RGS5: variants seen among roughly 807,000 people sequenced by gnomAD.
RGS5 encodes regulator of G-protein signalling 5.
RGS5 carries 20 observed loss-of-function variants against 18.9 expected under a neutral mutation model. The observed-to-expected ratio is 1.06, with a 90% confidence interval of 0.74 to 1.54. The LOEUF (loss-of-function observed/expected upper bound fraction) is 1.54, where lower values mean the gene tolerates loss of function less well. Ranked by LOEUF, RGS5 falls within the 40% of genes most tolerant of loss-of-function variation. The probability of loss-of-function intolerance (pLI) is 0.00; values close to 1 mark genes in which losing one functional copy is unlikely to be tolerated. For missense variants in RGS5, 201 were observed against 211.8 expected (o/e 0.95, Z 0.32); for synonymous variants, 57 against 76.2 (o/e 0.75, Z 1.31).
chr1:163,192,699 A>G (rs1362570297), intron 1 of RGS5, among the ~76,000 whole-genome samples: 2 of 152,150 alleles, frequency 1.3e-5, no homozygotes, highest in African/African-American at 2.4e-5. Flanking sequence ...TGTTCAAATG[A>G]CATCTTGTTT....
chr1:163,257,178 G>A (rs1648295752), intron 2 of RGS5, among the ~76,000 whole-genome samples: 1 of 152,056 alleles, frequency 6.6e-6, no homozygotes, highest in South Asian at 2.1e-4. Flanking sequence ...AGTTATTAAA[G>A]AATAAGATGT....
chr1:163,254,008 C>G lies in RGS5; in HGVS notation c.-281+52225G>C, dbSNP rs1571321153. ...TCATTTTTTATGGCTGCATAGTATT[C>G]CATGGTGTATATGTGCCACATTTTC... On this transcript the variant is annotated intron_variant, in intron 2 of 5. Coordinates refer to the RGS5 transcript ENST00000618415. Among the ~76,000 whole-genome samples the G allele has an allele frequency of 3.3e-5, 5 of 151,288 alleles. No individual in the cohort carries two copies. The South Asian group carries it at 1.0e-3, about 32-fold the overall frequency.
At chr1:163,313,103 G>T (rs576382554) in intron 1 of RGS5, among the ~76,000 whole-genome samples, 20 of 152,264 alleles carry the variant, frequency 1.3e-4, no homozygotes, top group African/African-American at 4.8e-4. Context: ...GATAAACAGT[G>T]ACTTCAGATA....
At chr1:163,282,542 T>A (rs903233843) in intron 2 of RGS5, among the ~76,000 whole-genome samples, 1 of 151,976 alleles carries the variant, frequency 6.6e-6, no homozygotes, top group Non-Finnish European at 1.5e-5. Context: ...CCTGTCTCTA[T>A]GAAAACATTT....
intron 2 of RGS5, among the ~76,000 whole-genome samples, chr1:163,281,150 T>C (rs543307724): frequency 3.2e-4 from 48 of 152,150 alleles, no homozygotes; most frequent in Non-Finnish European, 6.2e-4. Flanking sequence ...CCATGTAAGA[T>C]GTGACTTGCT....
At chr1:163,152,430 T>TG in intron 4 of RGS5, 120 bp downstream of exon 4, 1 of 994,164 alleles carries the variant, frequency 1.0e-6, no homozygotes, top group East Asian at 2.4e-5. Context: ...CTTAATAAGG[T>TG]GGTCGACTCA....
chr1:163,235,096 T>C (rs1223492779), intron 2 of RGS5, among the ~76,000 whole-genome samples: 3 of 152,198 alleles, frequency 2.0e-5, no homozygotes, highest in African/African-American at 4.8e-5. Flanking sequence ...ATGCAGAATA[T>C]GCGGAGTTGT....
chr1:163,171,218 A>G (rs1002641258), intron 1 of RGS5, among the ~76,000 whole-genome samples: 4 of 152,224 alleles, frequency 2.6e-5, no homozygotes, highest in African/African-American at 9.6e-5. Flanking sequence ...ATTTATCTGA[A>G]AAATGAAGAA....
At chr1:163,223,147 T>C (rs1467519357) in intron 2 of RGS5, among the ~76,000 whole-genome samples, 1 of 152,174 alleles carries the variant, frequency 6.6e-6, no homozygotes, top group African/African-American at 2.4e-5. Flanking sequence ...GCCCAGCCTC[T>C]ATTGATTGCT....
chr1:163,239,120 G>C (rs577044443), intron 2 of RGS5: 27 of 172,336 alleles, frequency 1.6e-4, no homozygotes, highest in African/African-American at 6.2e-4. Flanking sequence ...TCAGGAAAGT[G>C]GGGATCTCTT....
At chr1:163,249,648 G>C (rs1382077413) in intron 2 of RGS5, among the ~76,000 whole-genome samples, 1 of 152,092 alleles carries the variant, frequency 6.6e-6, no homozygotes, top group Non-Finnish European at 1.5e-5. Flanking sequence ...AAAATTAGCC[G>C]GGCATTGTGG....
intron 2 of RGS5, 129 bp from the exon 3 acceptor site, chr1:163,162,105 G>C (rs978650934): frequency 1.5e-6 from 1 of 650,100 alleles, no homozygotes. Context: ...CTCAGGACAA[G>C]GAAGTTTAAG....
intron 2 of RGS5, chr1:163,305,064 T>C (rs1331776239): frequency 6.6e-6 from 1 of 152,252 alleles, no homozygotes; most frequent in Non-Finnish European, 1.5e-5. Flanking sequence ...AATTAAAATA[T>C]AGATTTGTCT....
At chr1:163,297,429 C>T (rs187741241) in intron 2 of RGS5, among the ~76,000 whole-genome samples, 1 of 152,046 alleles carries the variant, frequency 6.6e-6, no homozygotes, top group African/African-American at 2.4e-5. Context: ...AGACTTATAC[C>T]TTATCTGCTT....
intron 2 of RGS5, among the ~76,000 whole-genome samples, chr1:163,272,530 T>C (rs769203315): frequency 6.6e-6 from 1 of 152,154 alleles, no homozygotes; most frequent in Non-Finnish European, 1.5e-5. Context: ...TCTTGAATTT[T>C]ATAGATTTAA....
chr1:163,313,563 A>G (rs191173998), intron 1 of RGS5, among the ~76,000 whole-genome samples: 67 of 152,310 alleles, frequency 4.4e-4, no homozygotes, highest in East Asian at 1.7e-3. Context: ...GGTCTGTGTA[A>G]GACTGCCAAC....
At chr1:163,221,710 T>C (rs976280120), upstream of RGS5, among the ~76,000 whole-genome samples, 1 of 152,204 alleles carries the variant, frequency 6.6e-6, no homozygotes, top group African/African-American at 2.4e-5. Flanking sequence ...GTTGTGCTGA[T>C]TTATTTTAGT....
chr1:163,208,710 T>C (rs1338598309), intron 1 of RGS5, among the ~76,000 whole-genome samples: 2 of 151,848 alleles, frequency 1.3e-5, no homozygotes, highest in Non-Finnish European at 2.9e-5. Flanking sequence ...TCAAAATGTA[T>C]TGAATATAAC....
At chr1:163,263,810 C>A (rs1452995291) in intron 2 of RGS5, among the ~76,000 whole-genome samples, 1 of 151,428 alleles carries the variant, frequency 6.6e-6, no homozygotes. Flanking sequence ...GAGATATGAA[C>A]AATAAGACCT....
Sources: gnomAD v4.1 joint callset for allele counts (sites outside exome capture counted in the v4.1 genomes callset) on GRCh38, gnomAD v4.1.1 for gene constraint, MANE v1.5 for transcripts, NCBI Gene and HGNC (gene_info 2026-07-23, HGNC 2026-07-21) for gene names.